Variants in PNMT observed in about 807,000 individuals in gnomAD.
PNMT encodes the protein noradrenaline N-methyltransferase.
Under a neutral mutation model 18.9 loss-of-function variants are expected in PNMT, and 18 were observed. That is an observed-to-expected ratio of 0.95 (90% CI 0.66 to 1.41). PNMT has a LOEUF of 1.41. PNMT is among the 40% of genes most tolerant of loss of function. The pLI is 0.00. For synonymous variants in PNMT, 167 were observed against 168.6 expected (o/e 0.99, Z 0.08); for missense variants, 378 against 387.0 (o/e 0.98, Z 0.20).
At chr17:39,669,549 A>G in intron 1 of PNMT, 80 bp from the exon 2 acceptor site, 2 of 946,644 alleles carry the variant, frequency 2.1e-6, no homozygotes, top group Non-Finnish European at 3.5e-6. Context: ...AGGCAGGGAG[A>G]TGCAGGGGAG....
chr17:39,669,068 A>T (rs895153705), intron 1 of PNMT, among the ~76,000 whole-genome samples: 4 of 151,664 alleles, frequency 2.6e-5, no homozygotes, highest in Non-Finnish European at 5.9e-5. Flanking sequence ...ATTTTCATTT[A>T]TTTACTTATT....
In PNMT at chr17:39,668,676, C is replaced by T. The variant is rs2057274542; in HGVS notation, c.201C>T (p.Thr67=). ...GCTGCTTGGCGCAGACCTTCGCCAC[C>T]GGTGAGCGGGGGAAACTGAGGCACG... ...KLRCLAQTFA[T]GEVSGRTLID... is the part of the protein sequence containing the mutation. Residue 67 remains threonine, a splice_region_variant and synonymous_variant, in exon 1 of 3, where the codon ACC becomes ACT. Transcript: ENST00000269582. 3.2e-6 allele frequency: 5 copies of T among 1,570,000 alleles called. No homozygotes were observed. Among genetic ancestry groups the T allele is most frequent in the African/African-American group, 1.4e-5 (1 of 72,408 alleles).
At position 39,670,214 on chromosome 17, in the gene PNMT, G is replaced by A; in HGVS notation, c.674G>A (p.Gly225Glu). 1 of 1,611,500 alleles carries A rather than the reference G, an allele frequency of 6.2e-7. No individual in the cohort carries two copies. Among genetic ancestry groups the A allele is most frequent in the Non-Finnish European group, 8.5e-7 (1 of 1,179,482 alleles). ...CTGGAGGAGTCGTGGTACCTGGCTG[G>A]GGAGGCCAGGCTGACGGTGGTGCCA... ...GALEESWYLA[G>E]EARLTVVPVS... is the part of the protein sequence containing the mutation. The change falls in exon 3 of 3, where the codon GGG becomes GAG. Residue 225 changes from glycine to glutamate, a missense_variant. Gly to Glu is a moderately conservative substitution (Grantham distance 98). Coordinates refer to ENST00000269582, the MANE Select transcript of PNMT (RefSeq NM_002686.4).
At position 39,670,052 on chromosome 17, in the gene PNMT, C is replaced by T. The variant is rs746246451; in HGVS notation, c.512C>T (p.Ala171Val). Residue 171 changes from alanine to valine, a missense_variant, in exon 3 of 3, where the codon GCT becomes GTT. By Grantham distance (64) the Ala-to-Val change is moderately conservative. Transcript: ENST00000269582. ...QPQPLGAGSP[A>V]PLPADALVSA... ...CAGCCCCTGGGTGCTGGGAGCCCAGCTCCCCTGCCTGCTGACGCCCTGGTC... is the reference window on the plus strand; with the variant it reads ...CAGCCCCTGGGTGCTGGGAGCCCAGTTCCCCTGCCTGCTGACGCCCTGGTC... The T allele has an allele frequency of 2.5e-6, 4 of 1,607,116 alleles. No homozygotes were observed. In the South Asian group the frequency reaches 3.3e-5, roughly 13 times the overall value.
At chr17:39,668,221 C>G, upstream of PNMT, 1 of 389,692 alleles carries the variant, frequency 2.6e-6, no homozygotes, top group Non-Finnish European at 4.5e-6. Context: ...AGGGCGAGGG[C>G]TGCGGGAGCA....
chr17:39,670,473 G>T lies in PNMT; in HGVS notation c.*84G>T. 9.2e-7 allele frequency: 1 copy of T among 1,089,002 alleles called. No individual in the cohort carries two copies. The highest frequency in any genetic ancestry group is 1.6e-5 in the South Asian group (1 of 61,202). The allele number at this position is 1,089,002 out of a possible 1,614,324, so 67.5% of individuals were successfully genotyped here. ...GCACCTAATAAAGAAATAATACCCT[G>T]CCGCTGCGGTCAGTGCTGTGTGTGG... On this transcript the variant is annotated 3_prime_UTR_variant, in exon 3 of 3. Coordinates refer to ENST00000269582, the MANE Select transcript of PNMT (RefSeq NM_002686.4).
In PNMT at chr17:39,668,514, C is replaced by G; in HGVS notation, c.39C>G (p.Ala13=). 6.5e-7 allele frequency: 1 copy of G among 1,535,706 alleles called. No homozygotes were observed. Among genetic ancestry groups the G allele is most frequent in the Non-Finnish European group, 8.7e-7 (1 of 1,146,852 alleles). ...GADRSPNAGA[A]PDSAPGQAAV... ...ACCGTAGCCCCAATGCGGGCGCAGC[C>G]CCTGACTCGGCCCCGGGCCAGGCGG... Residue 13 remains alanine (A), a synonymous_variant, in exon 1 of 3, where the codon GCC becomes GCG. Coordinates refer to ENST00000269582, the MANE Select transcript of PNMT (RefSeq NM_002686.4).
At position 39,670,210 on chromosome 17, in the gene PNMT, G is replaced by A. The variant is rs748311791; in HGVS notation, c.670G>A (p.Ala224Thr). The A allele has an allele frequency of 2.5e-6, 4 of 1,611,606 alleles. No individual in the cohort carries two copies. The Admixed American group carries it at 5.0e-5, about 20-fold the overall frequency. ...GGCCCTGGAGGAGTCGTGGTACCTG[G>A]CTGGGGAGGCCAGGCTGACGGTGGT... is the stretch of plus-strand genomic sequence containing the variant. ...IGALEESWYL[A>T]GEARLTVVPV... The change falls in exon 3 of 3, where the codon GCT becomes ACT. Residue 224 changes from alanine to threonine, a missense_variant. Physicochemically the swap from Ala to Thr is moderately conservative, Grantham distance 58. Coordinates refer to ENST00000269582, the MANE Select transcript of PNMT (RefSeq NM_002686.4).
chr17:39,670,272 G>C lies in PNMT; in HGVS notation c.732G>C (p.Val244=). 6.2e-7 allele frequency: 1 copy of C among 1,609,682 alleles called. No individual in the cohort carries two copies. Among genetic ancestry groups the C allele is most frequent in the South Asian group, 1.1e-5 (1 of 90,392 alleles). ...AGGAGGAGGTGAGGGAGGCCCTGGT[G>C]CGTAGTGGCTACAAGGTCCGGGACC... The part of the protein sequence containing the change: ...VSEEEVREAL[V]RSGYKVRDLR... The change falls in exon 3 of 3, where the codon GTG becomes GTC. Residue 244 remains valine, a synonymous_variant. Transcript: ENST00000269582.
chr17:39,668,361 C>CG, upstream of PNMT: 1 of 802,842 alleles, frequency 1.2e-6, no homozygotes, highest in Admixed American at 4.3e-5. Flanking sequence ...CACATGGCCC[C>CG]GGGCGGCTCG....
rs781391114 is a variant in PNMT at position 39,670,378 on chromosome 17, G to A, written c.838G>A (p.Val280Ile). Residue 280 changes from valine to isoleucine, a missense_variant, in exon 3 of 3, where the codon GTT becomes ATT. By Grantham distance (29) the Val-to-Ile change is conservative. Transcript: ENST00000269582. ...KGVFFAWAQK[V>I]GL ...CGTCTTCTTCGCCTGGGCTCAGAAGGTTGGGCTGTGAGGGCTGTACCTGGT... is the reference window on the plus strand; with the variant it reads ...CGTCTTCTTCGCCTGGGCTCAGAAGATTGGGCTGTGAGGGCTGTACCTGGT... 6.3e-7 allele frequency: 1 copy of A among 1,581,474 alleles called. No homozygotes were observed. The highest frequency in any genetic ancestry group is 8.6e-7 in the Non-Finnish European group (1 of 1,161,538).
intron 2 of PNMT, 42 bp from the exon 3 acceptor site, chr17:39,669,909 G>T (rs747546514): frequency 1.3e-6 from 2 of 1,591,532 alleles, no homozygotes; most frequent in Non-Finnish European, 1.7e-6. Flanking sequence ...AGAGGCCTGA[G>T]CGTAGAACAG....
upstream of PNMT, chr17:39,668,315 A>C: frequency 9.6e-6 from 5 of 518,314 alleles, no homozygotes; most frequent in Non-Finnish European, 1.6e-5. Flanking sequence ...CCCGGACACT[A>C]AGGGAGATGG....
At chr17:39,668,241 C>A, upstream of PNMT, 6 of 415,888 alleles carry the variant, frequency 1.4e-5, no homozygotes, top group Non-Finnish European at 2.5e-5. Flanking sequence ...AAGTACGGAG[C>A]CGGGGGTGTG....
chr17:39,670,161 TG>T lies in PNMT; in HGVS notation c.627del (p.His210ThrfsTer20). 2 of 1,612,010 alleles carry T rather than the reference TG, an allele frequency of 1.2e-6. No individual in the cohort carries two copies. The highest frequency in any genetic ancestry group is 8.5e-7 in the Non-Finnish European group (1 of 1,179,868). On this transcript the variant is annotated frameshift_variant, in exon 3 of 3. Coordinates refer to ENST00000269582, the MANE Select transcript of PNMT (RefSeq NM_002686.4). LOFTEE classifies it high-confidence loss of function. Reference sequence around the variant, plus strand: ...ACCACATCACCACGCTGCTGAGGCCTGGGGGGCACCTCCTCCTCATCGGGGC... The same window carrying T: ...ACCACATCACCACGCTGCTGAGGCCTGGGGGCACCTCCTCCTCATCGGGGC... ...LDHITTLLRP[G>X]GHLLLIGALE...
Position 39,669,643 on chromosome 17 carries a change from C to A in PNMT, c.217C>A (p.Arg73Ser), listed in dbSNP as rs202144149. ...GCCCTGCCCAGGTGAAGTGTCCGGACGCACCCTCATCGACATTGGTTCAGG... is the reference window on the plus strand; with the variant it reads ...GCCCTGCCCAGGTGAAGTGTCCGGAAGCACCCTCATCGACATTGGTTCAGG... Reference protein sequence around the residue: ...QTFATGEVSGRTLIDIGSGPT... With the variant: ...QTFATGEVSGSTLIDIGSGPT... Residue 73 changes from arginine (R) to serine (S), a missense_variant, in exon 2 of 3, where the codon CGC becomes AGC. By Grantham distance (110) the Arg-to-Ser change is moderately radical. Coordinates refer to ENST00000269582, the MANE Select transcript of PNMT (RefSeq NM_002686.4). The A allele has an allele frequency of 3.7e-6, 6 of 1,613,948 alleles. No individual in the cohort carries two copies. The Admixed American group carries it at 1.0e-4, about 27-fold the overall frequency.
rs754512941 is a variant in PNMT, at chr17:39,669,804, C to T, written c.378C>T (p.Tyr126=). Residue 126 remains tyrosine (Y), a synonymous_variant, in exon 2 of 3, where the codon TAC becomes TAT. Transcript: ENST00000269582. ...EEPGAFNWSM[Y]SQHACLIEGK... ...CGGGGGCCTTCAACTGGAGCATGTA[C>T]AGCCAACATGCCTGCCTCATTGAGG... 12 of 1,613,956 alleles carry T rather than the reference C, an allele frequency of 7.4e-6. No individual in the cohort carries two copies. The highest frequency in any genetic ancestry group is 3.3e-5 in the South Asian group (3 of 91,084).
chr17:39,670,101 G>C lies in PNMT; in HGVS notation c.561G>C (p.Val187=), dbSNP rs776371742. ...ALVSAFCLEA[V]SPDLASFQRA... is the part of the protein sequence containing the mutation. ...TCTCTGCCTTCTGCTTGGAGGCTGT[G>C]AGCCCAGATCTTGCCAGCTTTCAGC... The change falls in exon 3 of 3, where the codon GTG becomes GTC. Residue 187 remains valine, a synonymous_variant. Coordinates refer to ENST00000269582, the MANE Select transcript of PNMT (RefSeq NM_002686.4). 6.2e-7 allele frequency: 1 copy of C among 1,610,324 alleles called. No homozygotes were observed. Among genetic ancestry groups the C allele is most frequent in the Non-Finnish European group, 8.5e-7 (1 of 1,179,988 alleles).
At chr17:39,668,807 A>T in intron 1 of PNMT, 130 bp downstream of exon 1, 1 of 685,246 alleles carries the variant, frequency 1.5e-6, no homozygotes, top group Non-Finnish European at 2.4e-6. Flanking sequence ...AACAAGAGAT[A>T]GCTGAGAGGT....
Sources: gnomAD v4.1 joint callset for allele counts (sites outside exome capture counted in the v4.1 genomes callset) on GRCh38, gnomAD v4.1.1 for gene constraint, MANE v1.5 for transcripts, NCBI Gene and HGNC (gene_info 2026-07-23, HGNC 2026-07-21) for gene names.